CASK: variants seen among roughly 807,000 people sequenced by gnomAD.
CASK encodes peripheral plasma membrane protein CASK.
Under a neutral mutation model 82.9 loss-of-function variants are expected in CASK, and 4 were observed. The ratio of observed to expected loss-of-function variants is 0.05; its 90% confidence interval spans 0.02 to 0.11. The LOEUF (loss-of-function observed/expected upper bound fraction) is 0.11. Ranked by LOEUF, CASK falls within the 10% of genes least tolerant of loss-of-function variation. CASK has a pLI of 1.00. For missense variants in CASK, 358 were observed against 720.9 expected (o/e 0.50, Z 5.76); for synonymous variants, 259 against 253.5 (o/e 1.02, Z -0.20).
intron 5 of CASK, among the ~76,000 whole-genome samples, chrX:41,719,753 T>G (rs1419028957): frequency 8.9e-6 from 1 of 111,808 alleles, no homozygotes; most frequent in Non-Finnish European, 1.9e-5. Flanking sequence ...AACTTAGAAC[T>G]TCTTAAAAAA....
intron 8 of CASK, among the ~76,000 whole-genome samples, chrX:41,643,123 G>GAGTACCATGCTGTTTTGGTACC (rs1298802994): frequency 9.1e-6 from 1 of 110,136 alleles, no homozygotes; most frequent in Admixed American, 9.7e-5. Context: ...GTTTTGGTAC[G>GAGTACCATGCTGTTTTGGTACC]AGTACCATGC....
intron 2 of CASK, among the ~76,000 whole-genome samples, chrX:41,794,834 T>C (rs1374868644): frequency 3.5e-5 from 4 of 112,786 alleles, no homozygotes; most frequent in African/African-American, 1.3e-4. Flanking sequence ...CTGTGCTTTA[T>C]ACTTTCATAA....
chrX:41,734,800 G>C, intron 5 of CASK, among the ~76,000 whole-genome samples: 1 of 111,404 alleles, frequency 9.0e-6, no homozygotes, highest in South Asian at 3.8e-4. Flanking sequence ...CCACAGCAAA[G>C]AATATAGCCT....
chrX:41,757,402 A>G (rs1000226116), intron 3 of CASK, among the ~76,000 whole-genome samples: 10 of 111,574 alleles, frequency 9.0e-5, no homozygotes, highest in Non-Finnish European at 1.7e-4. Context: ...TCAACTTCCT[A>G]TAAGCCTGTC....
chrX:41,685,656 A>T (rs909529526), intron 5 of CASK, among the ~76,000 whole-genome samples: 1 of 110,006 alleles, frequency 9.1e-6, no homozygotes, highest in African/African-American at 3.3e-5. Flanking sequence ...TAATTTTTGT[A>T]GTTTTTGGTA....
intron 3 of CASK, among the ~76,000 whole-genome samples, chrX:41,749,852 C>T (rs1302120164): frequency 1.8e-5 from 2 of 111,840 alleles, no homozygotes; most frequent in African/African-American, 6.5e-5. Flanking sequence ...ATATGTCTCT[C>T]CACTTCCTTT....
intron 1 of CASK, among the ~76,000 whole-genome samples, chrX:41,908,068 G>A (rs183487105): frequency 2.7e-5 from 3 of 111,354 alleles, no homozygotes; most frequent in South Asian, 7.6e-4. Flanking sequence ...ACCGGTACTG[G>A]TCAGCGGCCC....
intron 21 of CASK, among the ~76,000 whole-genome samples, chrX:41,549,697 G>A (rs2065069732): frequency 9.2e-6 from 1 of 108,440 alleles, no homozygotes; most frequent in Non-Finnish European, 1.9e-5. Context: ...AAAATTAGTT[G>A]GGCGTGGTGG....
chrX:41,743,074 T>C (rs1475418139), intron 4 of CASK, among the ~76,000 whole-genome samples: 1 of 112,393 alleles, frequency 8.9e-6, no homozygotes, highest in African/African-American at 3.2e-5. Context: ...TGTCATTGTA[T>C]GACATCATCT....
At chrX:41,647,809 T>C (rs889482978) in intron 8 of CASK, among the ~76,000 whole-genome samples, 17 of 112,256 alleles carry the variant, frequency 1.5e-4, no homozygotes, top group Admixed American at 4.7e-4. Flanking sequence ...CACTTATCAC[T>C]TCCCCAATCA....
intron 12 of CASK, among the ~76,000 whole-genome samples, chrX:41,597,275 A>G (rs1219122447): frequency 1.8e-5 from 2 of 112,434 alleles, no homozygotes; most frequent in African/African-American, 6.5e-5. Flanking sequence ...ACTGTTTCAG[A>G]CAAGTTGATA....
intron 8 of CASK, among the ~76,000 whole-genome samples, chrX:41,647,637 GT>G (rs1397094582): frequency 8.9e-6 from 1 of 111,952 alleles, no homozygotes; most frequent in Non-Finnish European, 1.9e-5. Flanking sequence ...GTTGCAGGAA[GT>G]CAGAGACCCC....
intron 2 of CASK, among the ~76,000 whole-genome samples, chrX:41,793,897 A>G (rs188263554): frequency 7.2e-5 from 8 of 111,749 alleles, no homozygotes; most frequent in African/African-American, 2.6e-4. Context: ...AATCAAGTTG[A>G]AGAATAAAGA....
chrX:41,739,231 T>C (rs897098954), intron 5 of CASK, among the ~76,000 whole-genome samples, 153 bp downstream of exon 5: 1 of 112,136 alleles, frequency 8.9e-6, no homozygotes, highest in African/African-American at 3.2e-5. Flanking sequence ...ATTAGTACAA[T>C]GACTTCCCAA....
chrX:41,912,553 C>T (rs1402827206), intron 1 of CASK, among the ~76,000 whole-genome samples: 9 of 108,005 alleles, frequency 8.3e-5, no homozygotes, highest in Non-Finnish European at 1.3e-4. Flanking sequence ...AGTGAGCCAC[C>T]CACCTCAGCC....
chrX:41,534,409 A>T (rs1156665658), intron 24 of CASK, among the ~76,000 whole-genome samples: 1 of 109,295 alleles, frequency 9.1e-6, no homozygotes, highest in Non-Finnish European at 1.9e-5. Flanking sequence ...ACACACACAC[A>T]CACACACACA....
chrX:41,683,642 T>C (rs2067398447), intron 5 of CASK, among the ~76,000 whole-genome samples: 1 of 111,789 alleles, frequency 8.9e-6, no homozygotes, highest in Admixed American at 9.5e-5. Context: ...AACTATGTTA[T>C]TGGTAAGGCT....
At chrX:41,687,757 G>T (rs921362983) in intron 5 of CASK, among the ~76,000 whole-genome samples, 1 of 110,108 alleles carries the variant, frequency 9.1e-6, no homozygotes, top group Non-Finnish European at 1.9e-5. Context: ...TCAGGAGTTT[G>T]AAACTAGCCT....
chrX:41,875,690 T>C (rs1164865609), intron 1 of CASK, among the ~76,000 whole-genome samples: 4 of 74,382 alleles, frequency 5.4e-5, no homozygotes, highest in African/African-American at 2.0e-4. Context: ...TAGTGTATAA[T>C]GATGAAGAAA....
Sources: allele counts gnomAD v4.1 joint callset (sites outside exome capture counted in the v4.1 genomes callset), GRCh38; gene constraint gnomAD v4.1.1; transcripts MANE v1.5; gene names NCBI Gene and HGNC (gene_info 2026-07-23, HGNC 2026-07-21).